The following ARHGEF10 variants were observed in gnomAD, a reference collection of about 807,000 sequenced individuals.
ARHGEF10 encodes the protein Rho guanine nucleotide exchange factor (GEF) 10.
ARHGEF10 carries 140 observed loss-of-function variants against 147.4 expected under a neutral mutation model. That is an observed-to-expected ratio of 0.95 (90% CI 0.83 to 1.09). The LOEUF (loss-of-function observed/expected upper bound fraction) is 1.09. ARHGEF10 is among the 50% of genes least tolerant of loss of function. ARHGEF10 has a pLI of 0.00. For missense variants in ARHGEF10, 2,222 were observed against 1,752.7 expected (o/e 1.27, Z -4.78); for synonymous variants, 902 against 695.8 (o/e 1.30, Z -4.67).
chr8:1,876,525 A>G (rs764314437), intron 7 of ARHGEF10, 46 bp from the exon 8 acceptor site: 23 of 1,587,146 alleles, frequency 1.4e-5, no homozygotes, highest in Middle Eastern at 1.7e-4. Context: ...AACAGCCCAC[A>G]TGGAATTCTA....
intron 23 of ARHGEF10, 152 bp from the exon 24 acceptor site, chr8:1,928,275 C>A: frequency 1.4e-6 from 1 of 736,844 alleles, no homozygotes; most frequent in Non-Finnish European, 2.3e-6. Flanking sequence ...GCTCTGTGAG[C>A]AATTGTTTAA....
intron 11 of ARHGEF10, among the ~76,000 whole-genome samples, chr8:1,887,756 C>T (rs907195661): frequency 1.8e-5 from 2 of 109,272 alleles, no homozygotes; most frequent in African/African-American, 6.4e-5. Flanking sequence ...TGAGGAGACA[C>T]GGAGTGGGGT....
intron 13 of ARHGEF10, among the ~76,000 whole-genome samples, chr8:1,895,387 A>G (rs1328129963): frequency 2.0e-5 from 3 of 152,228 alleles, no homozygotes; most frequent in African/African-American, 7.2e-5. Context: ...CTCTTCTTAA[A>G]TGAATGTTAT....
chr8:1,873,988 G>A (rs969410360), intron 7 of ARHGEF10, among the ~76,000 whole-genome samples: 3 of 152,136 alleles, frequency 2.0e-5, no homozygotes, highest in Non-Finnish European at 4.4e-5. Flanking sequence ...TTTTAAATAC[G>A]CGGGGCTAAG....
At chr8:1,913,750 C>G (rs1308583948) in intron 18 of ARHGEF10, among the ~76,000 whole-genome samples, 1 of 152,244 alleles carries the variant, frequency 6.6e-6, no homozygotes. Flanking sequence ...CTGGCCCATT[C>G]CGCTTTCTGT....
intron 7 of ARHGEF10, 184 bp from the exon 8 acceptor site, chr8:1,876,386 CG>C: frequency 3.1e-6 from 2 of 651,460 alleles, no homozygotes; most frequent in Non-Finnish European, 5.4e-6. Context: ...CGGCCCTGCC[CG>C]GGTGGTGGAG....
chr8:1,946,172 A>G (rs1017449858), intron 27 of ARHGEF10, among the ~76,000 whole-genome samples: 1 of 152,210 alleles, frequency 6.6e-6, no homozygotes, highest in African/African-American at 2.4e-5. Context: ...TCATCCTACA[A>G]CAGGATGGAG....
At chr8:1,952,913 A>G in intron 28 of ARHGEF10, 86 bp downstream of exon 28, 2 of 1,570,786 alleles carry the variant, frequency 1.3e-6, no homozygotes, top group Non-Finnish European at 1.7e-6. Flanking sequence ...TTAACATCCT[A>G]GGATTCTTTA....
chr8:1,940,211 T>C (rs1027804279), intron 26 of ARHGEF10, among the ~76,000 whole-genome samples: 16 of 152,236 alleles, frequency 1.1e-4, no homozygotes, highest in African/African-American at 3.9e-4. Context: ...CACGGTTGTT[T>C]GTTTTGCTTT....
chr8:1,864,577 G>GAGGCA, intron 5 of ARHGEF10, 141 bp downstream of exon 5: 1 of 824,406 alleles, frequency 1.2e-6, no homozygotes, highest in Non-Finnish European at 2.1e-6. Flanking sequence ...CTCCTGCCTC[G>GAGGCA]GGTCCCTCCC....
intron 26 of ARHGEF10, among the ~76,000 whole-genome samples, chr8:1,934,902 A>T (rs1393817070): frequency 1.3e-5 from 2 of 152,244 alleles, no homozygotes; most frequent in Non-Finnish European, 2.9e-5. Context: ...AAATTGGGAA[A>T]AAAATTCCTG....
At position 1,840,367 on chromosome 8, in the gene ARHGEF10, C is replaced by T. The variant is rs1278208705; in HGVS notation, c.-47-2986C>T. 2.4e-3 allele frequency among the ~76,000 whole-genome samples: 217 copies of T among 91,490 alleles called. No individual in the cohort carries two copies. The Middle Eastern group carries it at 0.025, about 11-fold the overall frequency. 60.0% of individuals were successfully genotyped at this position (91,490 alleles called of 152,430 possible). On this transcript the variant is annotated intron_variant, in intron 1 of 28. Transcript: ENST00000349830. ...GGGACTGTCTGGTGTGGAAGCTGTC[C>T]GATATGGGGACTGTCTGGTGTGGAA...
At chr8:1,865,008 A>T (rs1333195330) in intron 5 of ARHGEF10, among the ~76,000 whole-genome samples, 2 of 152,274 alleles carry the variant, frequency 1.3e-5, no homozygotes, top group African/African-American at 4.8e-5. Context: ...GAAAATGTAT[A>T]TAGAATGTAG....
chr8:1,957,515 C>T lies in ARHGEF10; in HGVS notation c.*252C>T, dbSNP rs1225007279. ...GATGCAATTTTCGAGTAATTGAGTG[C>T]AGTTCTGGGAAAATACCACATTCTT... On this transcript the variant is annotated 3_prime_UTR_variant, in exon 29 of 29. Coordinates refer to ENST00000349830, the MANE Select transcript of ARHGEF10 (RefSeq NM_014629.4). 6 of 594,134 alleles carry T rather than the reference C, an allele frequency of 1.0e-5. No homozygotes were observed. The highest frequency in any genetic ancestry group is 7.4e-5 in the African/African-American group (4 of 53,892). The allele number at this position is 594,134 out of a possible 1,614,324, so 36.8% of individuals were successfully genotyped here.
chr8:1,888,141 A>G (rs570057039), intron 11 of ARHGEF10, among the ~76,000 whole-genome samples: 41 of 99,566 alleles, frequency 4.1e-4, no homozygotes, highest in Admixed American at 9.5e-4. Flanking sequence ...TTGCGAGGAG[A>G]CACTTAGTGG....
intron 15 of ARHGEF10, among the ~76,000 whole-genome samples, chr8:1,899,429 A>C (rs1244799581): frequency 2.6e-5 from 4 of 152,236 alleles, no homozygotes; most frequent in Admixed American, 2.6e-4. Context: ...ATTAAGATGA[A>C]CTGGTGGAGT....
intron 28 of ARHGEF10, among the ~76,000 whole-genome samples, chr8:1,956,111 C>G (rs1204843865): frequency 1.3e-5 from 2 of 152,212 alleles, no homozygotes; most frequent in Admixed American, 6.5e-5. Context: ...CCAGAAGACA[C>G]GCCAGGTCCA....
Position 1,894,415 on chromosome 8 carries a change from A to T in ARHGEF10, c.1283A>T (p.Glu428Val), listed in dbSNP as rs759111033. 4.2e-5 allele frequency: 67 copies of T among 1,614,212 alleles called. 1 individual carries two copies. The Middle Eastern group carries it at 9.9e-4, about 24-fold the overall frequency. ...ILEQYEKPLS[E>V]MEPKVLSERK... ...TAGCAATATGAGAAGCCGCTGTCTGAGATGGAGCCAAAGGTTCTGAGTGAG... is the reference window on the plus strand; with the variant it reads ...TAGCAATATGAGAAGCCGCTGTCTGTGATGGAGCCAAAGGTTCTGAGTGAG... Residue 428 changes from glutamate (E) to valine (V), a missense_variant, in exon 13 of 29, where the codon GAG becomes GTG. By Grantham distance (121) the Glu-to-Val change is moderately radical. Coordinates refer to ENST00000349830, the MANE Select transcript of ARHGEF10 (RefSeq NM_014629.4).
intron 11 of ARHGEF10, among the ~76,000 whole-genome samples, chr8:1,886,358 G>A (rs551216192): frequency 3.3e-5 from 5 of 152,290 alleles, no homozygotes; most frequent in African/African-American, 1.2e-4. Flanking sequence ...GGATGGATAG[G>A]CAGACATATG....
Sources: allele counts gnomAD v4.1 joint callset (sites outside exome capture counted in the v4.1 genomes callset), GRCh38; gene constraint gnomAD v4.1.1; transcripts MANE v1.5; gene names NCBI Gene and HGNC (gene_info 2026-07-23, HGNC 2026-07-21).